Variants in BCKDHB observed in about 807,000 individuals in gnomAD.
BCKDHB encodes 2-oxoisovalerate dehydrogenase subunit beta, mitochondrial.
BCKDHB carries 41 observed loss-of-function variants against 48.5 expected under a neutral mutation model. The observed-to-expected ratio is 0.85, with a 90% CI of 0.66 to 1.10. BCKDHB has a LOEUF of 1.10. BCKDHB is among the 50% of genes least tolerant of loss of function. The pLI, the probability that BCKDHB is intolerant of heterozygous loss-of-function variation, is 0.00. For missense variants in BCKDHB, 496 were observed against 494.2 expected (o/e 1.00, Z -0.03); for synonymous variants, 201 against 174.8 (o/e 1.15, Z -1.18).
intron 8 of BCKDHB, among the ~76,000 whole-genome samples, chr6:80,211,726 C>T (rs981208967): frequency 4.6e-5 from 7 of 152,094 alleles, no homozygotes; most frequent in Non-Finnish European, 7.4e-5. Flanking sequence ...AACCTGCCCC[C>T]AACATTTCAA....
chr6:80,443,066 G>A, the BCKDHB span, among the ~76,000 whole-genome samples: 1 of 152,072 alleles, frequency 6.6e-6, no homozygotes, highest in African/African-American at 2.4e-5. Flanking sequence ...CATCCAGAAA[G>A]GCTGATGAAA....
intron 9 of BCKDHB, among the ~76,000 whole-genome samples, chr6:80,296,746 T>A (rs1398267474): frequency 6.6e-6 from 1 of 152,220 alleles, no homozygotes; most frequent in Non-Finnish European, 1.5e-5. Flanking sequence ...GATGCCCTTT[T>A]AACTTTAGCC....
intron 4 of BCKDHB, 54 bp downstream of exon 4, chr6:80,167,865 G>T: frequency 6.4e-7 from 1 of 1,560,266 alleles, no homozygotes; most frequent in Non-Finnish European, 8.8e-7. Flanking sequence ...TTCAAGTATT[G>T]CCGCTACCCT....
In BCKDHB at chr6:80,168,945, G is replaced by A. The variant is rs79761867; in HGVS notation, c.548G>A (p.Arg183Gln). ...DLFNCGSLTI[R>Q]SPWGCVGHGA... The stretch of plus-strand genomic sequence containing the variant: ...TTTAACTGTGGAAGCCTCACTATCC[G>A]GTCCCCTTGGGGCTGTGTTGGTCAT... Residue 183 changes from arginine (R) to glutamine (Q), a missense_variant, in exon 5 of 10, where the codon CGG (arginine) becomes CAG (glutamine). Arg to Gln is a conservative substitution (Grantham distance 43). Transcript: ENST00000320393. 4.3e-6 allele frequency: 7 copies of A among 1,614,074 alleles called. No individual in the cohort carries two copies. Among genetic ancestry groups the A allele is most frequent in the Non-Finnish European group, 5.9e-6 (7 of 1,179,984 alleles).
chr6:80,141,834 C>G (rs1771230309), intron 3 of BCKDHB, among the ~76,000 whole-genome samples: 1 of 151,940 alleles, frequency 6.6e-6, no homozygotes, highest in South Asian at 2.1e-4. Context: ...ATATGACATC[C>G]ACATCCTCAA....
chr6:80,149,031 G>A (rs1771626247), intron 3 of BCKDHB, among the ~76,000 whole-genome samples: 1 of 152,036 alleles, frequency 6.6e-6, no homozygotes, highest in African/African-American at 2.4e-5. Context: ...GAGTGAACAG[G>A]CAACCTACAA....
chr6:80,144,253 G>A (rs1049677184), intron 3 of BCKDHB, among the ~76,000 whole-genome samples: 15 of 152,108 alleles, frequency 9.9e-5, no homozygotes, highest in Non-Finnish European at 1.3e-4. Context: ...AAAACTTATC[G>A]TGTTCTTAAC....
Position 80,206,769 on chromosome 6 carries a change from C to G in BCKDHB, c.951+3557C>G, listed in dbSNP as rs9443737. ...GGATAAAACACATTTGGGATCTGGT[C>G]AAAAGATCTGTCTTATATACAATTT... On this transcript the variant is annotated intron_variant, in intron 8 of 9. Coordinates refer to ENST00000320393, the MANE Select transcript of BCKDHB (RefSeq NM_183050.4). 9.8e-4 allele frequency among the ~76,000 whole-genome samples: 148 copies of G among 151,728 alleles called. 1 individual carries two copies. The highest frequency in any genetic ancestry group is 3.4e-3 in the Middle Eastern group (1 of 294).
chr6:80,135,120 G>A (rs1038506523), intron 3 of BCKDHB, among the ~76,000 whole-genome samples: 20 of 151,972 alleles, frequency 1.3e-4, no homozygotes, highest in Admixed American at 6.6e-5. Flanking sequence ...TATTTTTTGT[G>A]AATTATGAAA....
At chr6:80,232,250 T>A (rs995081970) in intron 8 of BCKDHB, among the ~76,000 whole-genome samples, 6 of 152,098 alleles carry the variant, frequency 3.9e-5, no homozygotes, top group Non-Finnish European at 8.8e-5. Flanking sequence ...GGCTGTTTAG[T>A]CTAATGCACT....
At chr6:80,117,580 T>C (rs1370163880) in intron 1 of BCKDHB, among the ~76,000 whole-genome samples, 4 of 152,156 alleles carry the variant, frequency 2.6e-5, no homozygotes, top group Non-Finnish European at 4.4e-5. Context: ...CGCTGCAAAG[T>C]TGTGGGTTTA....
intron 1 of BCKDHB, among the ~76,000 whole-genome samples, chr6:80,126,927 T>C (rs1457374490): frequency 6.6e-6 from 1 of 152,164 alleles, no homozygotes. Flanking sequence ...TCTGAGTGTA[T>C]TACATGTACT....
the BCKDHB span, among the ~76,000 whole-genome samples, chr6:80,417,574 T>G: frequency 6.6e-6 from 1 of 152,182 alleles, no homozygotes; most frequent in African/African-American, 2.4e-5. Context: ...CTGCAAAAGA[T>G]CTTATTTCTC....
chr6:80,434,246 A>G, the BCKDHB span, among the ~76,000 whole-genome samples: 2 of 151,762 alleles, frequency 1.3e-5, no homozygotes, highest in Non-Finnish European at 2.9e-5. Flanking sequence ...GATTTTTTAT[A>G]TCTTCCATTT....
chr6:80,389,518 C>G, the BCKDHB span, among the ~76,000 whole-genome samples: 1 of 152,340 alleles, frequency 6.6e-6, no homozygotes, highest in Non-Finnish European at 1.5e-5. Flanking sequence ...ATGCTGCATA[C>G]AGTGCTTCTG....
intron 8 of BCKDHB, among the ~76,000 whole-genome samples, chr6:80,226,543 T>C (rs966219755): frequency 2.6e-5 from 4 of 152,180 alleles, no homozygotes; most frequent in Non-Finnish European, 5.9e-5. Context: ...GGATGGACAA[T>C]AGATTAGGTT....
At chr6:80,411,754 CGT>C in the BCKDHB span, among the ~76,000 whole-genome samples, 1 of 152,238 alleles carries the variant, frequency 6.6e-6, no homozygotes, top group Non-Finnish European at 1.5e-5. Flanking sequence ...GCTCTGTGGG[CGT>C]GTGACCCACT....
the BCKDHB span, among the ~76,000 whole-genome samples, chr6:80,448,365 A>C: frequency 1.3e-5 from 2 of 152,172 alleles, no homozygotes; most frequent in African/African-American, 4.8e-5. Context: ...AGGAAGTGAC[A>C]TTGTCTGATT....
At chr6:80,284,732 A>T (rs1219647910) in intron 9 of BCKDHB, among the ~76,000 whole-genome samples, 1 of 152,166 alleles carries the variant, frequency 6.6e-6, no homozygotes, top group African/African-American at 2.4e-5. Context: ...TTCTAAACCT[A>T]TATTTGTATC....
Sources: gnomAD v4.1 joint callset for allele counts (sites outside exome capture counted in the v4.1 genomes callset) on GRCh38, gnomAD v4.1.1 for gene constraint, MANE v1.5 for transcripts, NCBI Gene and HGNC (gene_info 2026-07-23, HGNC 2026-07-21) for gene names.